IL17RB: variants seen among roughly 807,000 people sequenced by gnomAD.
The protein encoded by IL17RB is interleukin 17 receptor B.
A neutral mutation model predicts 43.9 loss-of-function variants in IL17RB; 36 were observed. The ratio of observed to expected loss-of-function variants is 0.82; its 90% CI spans 0.63 to 1.08. The LOEUF (loss-of-function observed/expected upper bound fraction) is 1.08. Ranked by LOEUF, IL17RB falls within the 50% of genes least tolerant of loss-of-function variation. The probability of loss-of-function intolerance (pLI) is 0.00; values close to 1 mark genes in which losing one functional copy is unlikely to be tolerated. For missense variants in IL17RB, 613 were observed against 613.6 expected, an observed-to-expected ratio of 1.00 and a Z score of 0.01; for synonymous variants, 225 against 225.4, an observed-to-expected ratio of 1.00 and a Z score of 0.02.
rs148547442 is a variant in IL17RB, at chr3:53,858,433, G to A, written c.748-286G>A. 1.6e-3 allele frequency: 1,890 copies of A among 1,172,194 alleles called. 20 individuals carry two copies. In the African/African-American group the frequency reaches 0.024, roughly 15 times the overall value. 72.6% of individuals were successfully genotyped at this position (1,172,194 alleles called of 1,614,324 possible). ...TTTTCTAGAGGAAATGTTTGTCTAC[G>A]TGGTAAGATATGACCTAGCCCTTTT... On this transcript the variant is annotated intron_variant, in intron 8 of 10. Coordinates refer to ENST00000288167, the MANE Select transcript of IL17RB (RefSeq NM_018725.4).
intron 3 of IL17RB, 111 bp from the exon 4 acceptor site, chr3:53,851,888 T>C: frequency 7.9e-7 from 1 of 1,258,414 alleles, no homozygotes; most frequent in Non-Finnish European, 1.1e-6. Flanking sequence ...TCAGTACTAT[T>C]GTGAATATGA....
At chr3:53,848,450 G>C (rs1347121552) in intron 1 of IL17RB, among the ~76,000 whole-genome samples, 1 of 152,230 alleles carries the variant, frequency 6.6e-6, no homozygotes, top group Non-Finnish European at 1.5e-5. Context: ...TTGAGGATCA[G>C]GTATACTGAT....
intron 1 of IL17RB, among the ~76,000 whole-genome samples, chr3:53,847,212 C>T (rs554996640): frequency 2.6e-4 from 40 of 152,222 alleles, no homozygotes; most frequent in African/African-American, 9.2e-4. Flanking sequence ...GATACCGCTG[C>T]CCTCTTAGAA....
In IL17RB at chr3:53,865,294, T is replaced by C. The variant is rs28385751; in HGVS notation, c.1495T>C (p.Cys499Arg). The C allele has an allele frequency of 2.3e-3, 3,637 of 1,604,646 alleles. 74 individuals are homozygous for C. The African/African-American group carries it at 0.043, about 19-fold the overall frequency. Residue 499 changes from cysteine (C) to arginine (R), a missense_variant, in exon 11 of 11, where the codon TGC (cysteine) becomes CGC (arginine). Coordinates refer to ENST00000288167, the MANE Select transcript of IL17RB (RefSeq NM_018725.4). ...GKRSQACHDG[C>R]CSL ...AAGATCACAAGCCTGCCACGATGGC[T>C]GCTGCTCCTTGTAGCCCACCCATGA...
chr3:53,852,011 T>C lies in IL17RB; in HGVS notation c.239T>C (p.Leu80Ser), dbSNP rs1474244132. The C allele has an allele frequency of 6.2e-7, 1 of 1,614,158 alleles. No homozygotes were observed. Among genetic ancestry groups the C allele is most frequent in the East Asian group, 2.2e-5 (1 of 44,872 alleles). Residue 80 changes from leucine (L) to serine (S), a missense_variant, in exon 4 of 11, where the codon TTG (leucine) becomes TCG (serine). Transcript: ENST00000288167. Reference sequence around the variant, plus strand: ...CCTATCTCGGCAGCCAGCATCCGCTTGTTGAAGGCCACCAAGATTTGTGTG... The same window carrying C: ...CCTATCTCGGCAGCCAGCATCCGCTCGTTGAAGGCCACCAAGATTTGTGTG... ...WVLRADASIR[L>S]LKATKICVTG...
At chr3:53,858,979 A>G in intron 9 of IL17RB, 161 bp downstream of exon 9, 1 of 531,826 alleles carries the variant, frequency 1.9e-6, no homozygotes, top group Middle Eastern at 5.0e-4. Context: ...GTGCTGTCCC[A>G]GAGAACCTAG....
chr3:53,860,099 T>G, intron 9 of IL17RB, 31 bp from the exon 10 acceptor site: 1 of 1,497,404 alleles, frequency 6.7e-7, no homozygotes, highest in Non-Finnish European at 9.3e-7. Flanking sequence ...GGATTTGTTT[T>G]CCAAAGGTGA....
At chr3:53,852,316 A>C (rs1471157183) in intron 4 of IL17RB, among the ~76,000 whole-genome samples, 190 bp downstream of exon 4, 1 of 151,714 alleles carries the variant, frequency 6.6e-6, no homozygotes, top group Non-Finnish European at 1.5e-5. Flanking sequence ...TAATTTTTGT[A>C]GTTTTTGTAG....
Position 53,860,258 on chromosome 3 carries a change from TA to T in IL17RB, c.946+31del, listed in dbSNP as rs1559782320. ...GGGTTATAATTCTTTAAAGACATCC[TA>T]GTAAGGAAATAACATTTTGAATTTT... On this transcript the variant is annotated intron_variant, in intron 10 of 10. Coordinates refer to ENST00000288167, the MANE Select transcript of IL17RB (RefSeq NM_018725.4). 2.0e-6 allele frequency: 3 copies of T among 1,536,382 alleles called. No individual in the cohort carries two copies. In the East Asian group the frequency reaches 6.8e-5, roughly 35 times the overall value.
intron 1 of IL17RB, 100 bp downstream of exon 1, chr3:53,846,748 C>CG: frequency 7.8e-7 from 1 of 1,286,206 alleles, no homozygotes; most frequent in South Asian, 1.4e-5. Flanking sequence ...AAGGCGTGCG[C>CG]GGACTGCCGG....
At chr3:53,861,504 T>C (rs1699563691) in intron 10 of IL17RB, 1 of 152,192 alleles carries the variant, frequency 6.6e-6, no homozygotes, top group African/African-American at 2.4e-5. Flanking sequence ...CCTTTTAATC[T>C]TGTATTGAAA....
chr3:53,848,685 A>C lies in IL17RB; in HGVS notation c.82A>C (p.Thr28Pro). The C allele has an allele frequency of 6.2e-7, 1 of 1,614,072 alleles. No homozygotes were observed. The highest frequency in any genetic ancestry group is 1.1e-5 in the South Asian group (1 of 91,082). Reference protein sequence around the residue: ...REPTVQCGSETGPSPEWMLQH... With the variant: ...REPTVQCGSEPGPSPEWMLQH... ...ACAGACCGTTCAATGTGGCTCTGAA[A>C]CTGGTAGGTGCATTAGAGAATGGGT... is the stretch of plus-strand genomic sequence containing the variant. Residue 28 changes from threonine (T) to proline (P), a missense_variant, in exon 2 of 11, where the codon ACT becomes CCT. Physicochemically the swap from Thr to Pro is conservative, Grantham distance 38. Coordinates refer to ENST00000288167, the MANE Select transcript of IL17RB (RefSeq NM_018725.4).
Position 53,864,740 on chromosome 3 carries a change from TCA to T in IL17RB, c.947-3_947-2del. The T allele has an allele frequency of 1.9e-6, 3 of 1,591,630 alleles. No homozygotes were observed. Among genetic ancestry groups the T allele is most frequent in the Non-Finnish European group, 2.6e-6 (3 of 1,168,964 alleles). The stretch of plus-strand genomic sequence containing the variant: ...ACAGATAACAAATGCTTTTCTCCTC[TCA>T]CAGAAAGGATCAAGAAGACTTCCTT... On this transcript the variant is annotated splice_region_variant and splice_polypyrimidine_tract_variant and intron_variant, in intron 10 of 10. Coordinates refer to ENST00000288167, the MANE Select transcript of IL17RB (RefSeq NM_018725.4).
Position 53,865,615 on chromosome 3 carries a change from C to G in IL17RB, c.*307C>G, listed in dbSNP as rs139753652. 4.3e-4 allele frequency: 124 copies of G among 291,160 alleles called. No individual in the cohort carries two copies. Among genetic ancestry groups the G allele is most frequent in the African/African-American group, 2.6e-3 (118 of 46,138 alleles). The allele number at this position is 291,160 out of a possible 1,614,324, so 18.0% of individuals were successfully genotyped here. A position where few individuals can be genotyped will look rare whatever the true frequency, so the allele number is the denominator to read the frequency against. On this transcript the variant is annotated 3_prime_UTR_variant, in exon 11 of 11. Coordinates refer to ENST00000288167, the MANE Select transcript of IL17RB (RefSeq NM_018725.4). ...GCCAAACATCTAGTCTTCCATAGAC[C>G]ATGCATTGCAGTGTACCCAGAACTG...
At position 53,857,847 on chromosome 3, in the gene IL17RB, C is replaced by T. The variant is rs1055706394; in HGVS notation, c.747+157C>T. On this transcript the variant is annotated intron_variant, in intron 8 of 10. Coordinates refer to ENST00000288167, the MANE Select transcript of IL17RB (RefSeq NM_018725.4). ...GGGGGCTCTTTCGCTGCAGCCTCCACCGTGCTGAGGTCAGGAGGCCGACGT... is the reference window on the plus strand; with the variant it reads ...GGGGGCTCTTTCGCTGCAGCCTCCATCGTGCTGAGGTCAGGAGGCCGACGT... The T allele has an allele frequency of 3.6e-5, 25 of 693,810 alleles. No individual in the cohort carries two copies. In the African/African-American group the frequency reaches 4.2e-4, roughly 12 times the overall value. 43.0% of individuals were successfully genotyped at this position (693,810 alleles called of 1,614,324 possible). A position where few individuals can be genotyped will look rare whatever the true frequency, so the allele number is the denominator to read the frequency against.
Position 53,857,843 on chromosome 3 carries a change from T to C in IL17RB, c.747+153T>C, listed in dbSNP as rs79368512. On this transcript the variant is annotated intron_variant, in intron 8 of 10. Transcript: ENST00000288167. ...TCATGGGGGCTCTTTCGCTGCAGCC[T>C]CCACCGTGCTGAGGTCAGGAGGCCG... The C allele has an allele frequency of 8.3e-5, 58 of 700,862 alleles. No homozygotes were observed. The African/African-American group carries it at 9.4e-4, about 11-fold the overall frequency. 43.4% of individuals were successfully genotyped at this position (700,862 alleles called of 1,614,324 possible).
chr3:53,857,914 C>T (rs1000552042), intron 8 of IL17RB: 269 of 538,938 alleles, frequency 5.0e-4, no homozygotes, highest in Non-Finnish European at 1.1e-4. Flanking sequence ...GGCTGCTGAC[C>T]TTCCAAAGCA....
In IL17RB at chr3:53,860,137, C is replaced by T. The variant is rs1402123984; in HGVS notation, c.855C>T (p.Ser285=). 1 of 1,613,060 alleles carries T rather than the reference C, an allele frequency of 6.2e-7. No individual in the cohort carries two copies. The highest frequency in any genetic ancestry group is 1.7e-5 in the Admixed American group (1 of 59,698). The change falls in exon 10 of 11, where the codon AGC becomes AGT. Residue 285 remains serine (S), a synonymous_variant. Coordinates refer to ENST00000288167, the MANE Select transcript of IL17RB (RefSeq NM_018725.4). ...GVPFPLDNNK[S]KPGGWLPLLL... is the part of the protein sequence containing the mutation. ...AAGCTTTGTTTTTTCCAGACAAAAG[C>T]AAGCCGGGAGGCTGGCTGCCTCTCC...
At chr3:53,855,410 C>A in intron 6 of IL17RB, 69 bp downstream of exon 6, 1 of 1,090,076 alleles carries the variant, frequency 9.2e-7, no homozygotes, top group Non-Finnish European at 1.4e-6. Flanking sequence ...TAGCTCTCTT[C>A]ATCTTTGCAC....
Sources: gnomAD v4.1 joint callset for allele counts (sites outside exome capture counted in the v4.1 genomes callset) on GRCh38, gnomAD v4.1.1 for gene constraint, MANE v1.5 for transcripts, NCBI Gene and HGNC (gene_info 2026-07-23, HGNC 2026-07-21) for gene names.